MAN1C1: variants seen among roughly 807,000 people sequenced by gnomAD.
MAN1C1 encodes mannosidase alpha class 1C member 1.
Under a neutral mutation model 71.5 loss-of-function variants are expected in MAN1C1, and 49 were observed. That is an observed-to-expected ratio of 0.69 (90% CI 0.54 to 0.87). The LOEUF (loss-of-function observed/expected upper bound fraction) is 0.87, where lower values mean the gene tolerates loss of function less well. Among genes scored for constraint, MAN1C1 ranks in the 40% least tolerant of loss-of-function variants. The pLI, the probability that MAN1C1 is intolerant of heterozygous loss-of-function variation, is 0.00. For synonymous variants in MAN1C1, 352 were observed against 343.7 expected, an observed-to-expected ratio of 1.02 and a Z score of -0.27; for missense variants, 743 against 835.0, an observed-to-expected ratio of 0.89 and a Z score of 1.36.
intron 7 of MAN1C1, among the ~76,000 whole-genome samples, chr1:25,765,084 A>T (rs568820659): frequency 6.6e-6 from 1 of 152,162 alleles, no homozygotes; most frequent in Non-Finnish European, 1.5e-5. Flanking sequence ...TCATCTATAC[A>T]TCTTAGACCT....
At chr1:25,702,830 C>T (rs1477727093) in intron 2 of MAN1C1, among the ~76,000 whole-genome samples, 1 of 152,196 alleles carries the variant, frequency 6.6e-6, no homozygotes, top group Non-Finnish European at 1.5e-5. Flanking sequence ...CAAAGCTGCC[C>T]AGGGAAGCAG....
chr1:25,687,182 C>T (rs1052241017), intron 2 of MAN1C1, among the ~76,000 whole-genome samples: 7 of 152,204 alleles, frequency 4.6e-5, no homozygotes, highest in African/African-American at 1.7e-4. Flanking sequence ...CCAAGTGGAG[C>T]AGCCGCACAT....
At chr1:25,738,858 T>C (rs2047018221) in intron 2 of MAN1C1, among the ~76,000 whole-genome samples, 1 of 152,160 alleles carries the variant, frequency 6.6e-6, no homozygotes, top group Non-Finnish European at 1.5e-5. Context: ...GCCAGTTTCT[T>C]AAGGTCTGGG....
Position 25,618,000 on chromosome 1 carries a change from A to G in MAN1C1, c.203A>G (p.Glu68Gly), listed in dbSNP as rs1242264227. The change falls in exon 1 of 12, where the codon GAA (glutamate) becomes GGA (glycine). Residue 68 changes from glutamate to glycine, a missense_variant. Physicochemically the swap from Glu to Gly is moderately conservative, Grantham distance 98. Transcript: ENST00000374332. This position sits in a 1 kb window ranked among gnomAD's most constrained non-coding sequence, Gnocchi z 5.1. ...CAGCCTGGTCTGGAAGTGGTGGCTGAAATCGCCGGCCATGCCCCGGCCCGC... is the reference window on the plus strand; with the variant it reads ...CAGCCTGGTCTGGAAGTGGTGGCTGGAATCGCCGGCCATGCCCCGGCCCGC... ...TQQPGLEVVAEIAGHAPAREQ... is the reference protein window; with the variant it reads ...TQQPGLEVVAGIAGHAPAREQ... 1 of 1,604,864 alleles carries G rather than the reference A, an allele frequency of 6.2e-7. No individual in the cohort carries two copies.
At chr1:25,703,233 TG>T (rs2046470589) in intron 2 of MAN1C1, among the ~76,000 whole-genome samples, 1 of 152,132 alleles carries the variant, frequency 6.6e-6, no homozygotes, top group African/African-American at 2.4e-5. Context: ...GCCCTCTCTG[TG>T]GGTGCTGAGG....
intron 1 of MAN1C1, among the ~76,000 whole-genome samples, chr1:25,674,418 G>A (rs2046035729): frequency 6.6e-6 from 1 of 152,208 alleles, no homozygotes; most frequent in Non-Finnish European, 1.5e-5. Context: ...GCAGTAATGA[G>A]CAATGGAGCC....
At chr1:25,641,488 G>A (rs1310961484) in intron 1 of MAN1C1, among the ~76,000 whole-genome samples, 1 of 152,204 alleles carries the variant, frequency 6.6e-6, no homozygotes, top group Non-Finnish European at 1.5e-5. Flanking sequence ...GGATAGGCAT[G>A]TAAAAGAACC....
chr1:25,627,530 C>G (rs2045315802), intron 1 of MAN1C1, among the ~76,000 whole-genome samples: 1 of 152,234 alleles, frequency 6.6e-6, no homozygotes, highest in South Asian at 2.1e-4. Flanking sequence ...CCGCCTCAGC[C>G]TCCCAAAGTG....
chr1:25,678,962 A>G (rs925354062), intron 1 of MAN1C1, among the ~76,000 whole-genome samples: 1 of 152,142 alleles, frequency 6.6e-6, no homozygotes, highest in African/African-American at 2.4e-5. Flanking sequence ...CCTTTGATAC[A>G]TTAAAAGGTA....
intron 1 of MAN1C1, among the ~76,000 whole-genome samples, chr1:25,679,455 G>T (rs749665049): frequency 1.3e-5 from 2 of 151,820 alleles, no homozygotes; most frequent in African/African-American, 2.4e-5. Flanking sequence ...ACTGACAATG[G>T]CCACATTCTG....
intron 2 of MAN1C1, among the ~76,000 whole-genome samples, chr1:25,741,300 A>G (rs1479694449): frequency 4.6e-5 from 7 of 152,176 alleles, no homozygotes; most frequent in Admixed American, 1.3e-4. Context: ...AAGATTTGAA[A>G]TCACTAAGAG....
intron 2 of MAN1C1, among the ~76,000 whole-genome samples, chr1:25,728,115 T>C (rs2046858295): frequency 6.6e-6 from 1 of 152,186 alleles, no homozygotes. Context: ...GGCTCAGCTA[T>C]TTGAGGAGCA....
At chr1:25,755,020 C>T (rs1041559534) in intron 5 of MAN1C1, among the ~76,000 whole-genome samples, 1 of 152,192 alleles carries the variant, frequency 6.6e-6, no homozygotes, top group Admixed American at 6.5e-5. Context: ...CGGAGGGGGC[C>T]TCCTGGCAGG....
intron 2 of MAN1C1, among the ~76,000 whole-genome samples, chr1:25,718,359 A>G (rs2046712249): frequency 6.6e-6 from 1 of 152,126 alleles, no homozygotes; most frequent in Non-Finnish European, 1.5e-5. Context: ...CTTGTTCTGG[A>G]CAGTTGACTC....
chr1:25,774,449 TC>T (rs2124406509), intron 8 of MAN1C1, among the ~76,000 whole-genome samples: 1 of 152,236 alleles, frequency 6.6e-6, no homozygotes, highest in African/African-American at 2.4e-5. Context: ...CGGGTCTGAC[TC>T]CAGATCCATT....
chr1:25,700,317 A>ATTATCTG (rs2046424379), intron 2 of MAN1C1, among the ~76,000 whole-genome samples: 1 of 152,224 alleles, frequency 6.6e-6, no homozygotes. Flanking sequence ...TCTAGCACGC[A>ATTATCTG]GGGCATGGCT....
Position 25,753,080 on chromosome 1 carries a change from G to A in MAN1C1, c.835-404G>A, listed in dbSNP as rs2047238241. On this transcript the variant is annotated intron_variant, in intron 4 of 11. Transcript: ENST00000374332. The surrounding 1 kb of genome is among the most constrained non-coding windows in gnomAD (Gnocchi z 4.9). ...TTGGAGACCGGCCCGTCTCTGCCAG[G>A]TCTTCATCTGGACTTGGAGGTGCCC... Among the ~76,000 whole-genome samples the A allele has an allele frequency of 6.6e-6, 1 of 152,126 alleles. No individual in the cohort carries two copies. The highest frequency in any genetic ancestry group is 2.4e-5 in the African/African-American group (1 of 41,406).
At chr1:25,695,808 G>A (rs562676647) in intron 2 of MAN1C1, among the ~76,000 whole-genome samples, 3 of 152,330 alleles carry the variant, frequency 2.0e-5, no homozygotes, top group African/African-American at 4.8e-5. Context: ...TCGTGTCCCC[G>A]CTCTGGCGCC....
At chr1:25,700,254 C>T (rs1482712388) in intron 2 of MAN1C1, among the ~76,000 whole-genome samples, 10 of 152,106 alleles carry the variant, frequency 6.6e-5, no homozygotes, top group Non-Finnish European at 1.0e-4. Flanking sequence ...CCAATGGCTG[C>T]GCAAATATTT....
Sources: allele counts gnomAD v4.1 joint callset (sites outside exome capture counted in the v4.1 genomes callset), GRCh38; gene constraint gnomAD v4.1.1; non-coding constraint Gnocchi (gnomAD v3.1); transcripts MANE v1.5; gene names NCBI Gene and HGNC (gene_info 2026-07-23, HGNC 2026-07-21).